Variants in SLC6A6 observed in about 807,000 individuals in gnomAD.
SLC6A6 encodes solute carrier family 6 member 6, also known as sodium- and chloride-dependent taurine transporter.
Under a neutral mutation model 68.8 loss-of-function variants are expected in SLC6A6, and 16 were observed. That is an observed-to-expected ratio of 0.23 (90% CI 0.16 to 0.35). SLC6A6 has a LOEUF of 0.35. SLC6A6 is among the 10% of genes least tolerant of loss of function. The probability of loss-of-function intolerance (pLI) is 1.00; values close to 1 mark genes in which losing one functional copy is unlikely to be tolerated. For missense variants in SLC6A6, 474 were observed against 802.8 expected, an observed-to-expected ratio of 0.59 and a Z score of 4.95; for synonymous variants, 312 against 315.4, an observed-to-expected ratio of 0.99 and a Z score of 0.12.
intron 14 of SLC6A6, among the ~76,000 whole-genome samples, chr3:14,484,201 A>G (rs976446143): frequency 6.6e-6 from 1 of 152,224 alleles, no homozygotes; most frequent in African/African-American, 2.4e-5. Flanking sequence ...GGGACACTCA[A>G]CCAACTGTGA....
At position 14,478,578 on chromosome 3, in the gene SLC6A6, G is replaced by T. The variant is rs1486412683; in HGVS notation, c.1450+10G>T. The T allele has an allele frequency of 6.6e-7, 1 of 1,525,730 alleles. No homozygotes were observed. Among genetic ancestry groups the T allele is most frequent in the South Asian group, 1.1e-5 (1 of 89,002 alleles). 94.5% of individuals were successfully genotyped at this position (1,525,730 alleles called of 1,614,324 possible). A position where few individuals can be genotyped will look rare whatever the true frequency, so the allele number is the denominator to read the frequency against. On this transcript the variant is annotated intron_variant, in intron 12 of 14. Coordinates refer to ENST00000622186, the MANE Select transcript of SLC6A6 (RefSeq NM_003043.6). The stretch of plus-strand genomic sequence containing the variant: ...ATTGCCTGGATATATGGTGAGTACA[G>T]ATTTTTTCATGTCCTTTCTCAAGGC...
At position 14,472,170 on chromosome 3, in the gene SLC6A6, C is replaced by G; in HGVS notation, c.1097-35C>G. On this transcript the variant is annotated intron_variant, in intron 9 of 14. Transcript: ENST00000622186. This position sits in a 1 kb window ranked among gnomAD's most constrained non-coding sequence, Gnocchi z 4.5. The stretch of plus-strand genomic sequence containing the variant: ...AGTGGCTTGGTGGCTGATGTCTCCT[C>G]CCCTGTGCCCCTCCCCGTTTTCTTT... The G allele has an allele frequency of 7.5e-7, 1 of 1,329,074 alleles. No homozygotes were observed. The highest frequency in any genetic ancestry group is 1.1e-6 in the Non-Finnish European group (1 of 920,562). The allele number at this position is 1,329,074 out of a possible 1,614,324, so 82.3% of individuals were successfully genotyped here.
chr3:14,471,742 T>A (rs534752040), intron 9 of SLC6A6, among the ~76,000 whole-genome samples: 2 of 152,334 alleles, frequency 1.3e-5, no homozygotes, highest in Non-Finnish European at 2.9e-5. Context: ...TTTCCACTCC[T>A]ATGGTGTTTT....
chr3:14,470,291 C>G lies in SLC6A6; in HGVS notation c.1097-1914C>G, dbSNP rs1559311131. 2.0e-5 allele frequency among the ~76,000 whole-genome samples: 3 copies of G among 152,218 alleles called. No individual in the cohort carries two copies. In the South Asian group the frequency reaches 6.2e-4, roughly 32 times the overall value. On this transcript the variant is annotated intron_variant, in intron 9 of 14. Transcript: ENST00000622186. ...GGTGATGTCTGAACAGCCGGCACAT[C>G]AAGGGTGATTATTTCTCTAATAAGC...
intron 2 of SLC6A6, among the ~76,000 whole-genome samples, chr3:14,421,520 C>T (rs147664186): frequency 3.9e-5 from 6 of 152,318 alleles, no homozygotes; most frequent in African/African-American, 1.2e-4. Flanking sequence ...TAACTGTGAA[C>T]GTTAGCTCAG....
At chr3:14,413,655 A>G (rs933449879) in intron 1 of SLC6A6, among the ~76,000 whole-genome samples, 1 of 150,992 alleles carries the variant, frequency 6.6e-6, no homozygotes, top group East Asian at 2.0e-4. Flanking sequence ...TCTGCTTTGT[A>G]TTTAACTTTG....
chr3:14,471,856 A>G (rs1023097539), intron 9 of SLC6A6, among the ~76,000 whole-genome samples: 2 of 152,138 alleles, frequency 1.3e-5, no homozygotes, highest in African/African-American at 2.4e-5. Context: ...TGTCCACTCA[A>G]TGGCTTTGCT....
intron 6 of SLC6A6, 86 bp from the exon 7 acceptor site, chr3:14,466,430 C>T: frequency 6.9e-7 from 1 of 1,449,928 alleles, no homozygotes; most frequent in Non-Finnish European, 9.4e-7. Context: ...CTGACCAGTG[C>T]TCCCCTCTGC....
Position 14,443,608 on chromosome 3 carries a change from C to T in SLC6A6, c.-11-16C>T. The stretch of plus-strand genomic sequence containing the variant: ...CCCTCATCAGCTGCAGGATGCTTCT[C>T]TTTTGTCCCCCATAGAAAGCAAGGA... On this transcript the variant is annotated splice_polypyrimidine_tract_variant and intron_variant, in intron 2 of 14. Transcript: ENST00000622186. 6.5e-7 allele frequency: 1 copy of T among 1,541,522 alleles called. No homozygotes were observed. Among genetic ancestry groups the T allele is most frequent in the Non-Finnish European group, 8.9e-7 (1 of 1,118,936 alleles).
At chr3:14,462,343 T>C (rs538764405) in intron 6 of SLC6A6, among the ~76,000 whole-genome samples, 39 of 152,310 alleles carry the variant, frequency 2.6e-4, no homozygotes, top group African/African-American at 8.7e-4. Context: ...GGAAAGAGAC[T>C]GAGCCACAGT....
rs116589310 is a variant in SLC6A6, at chr3:14,436,008, C to T, written c.-11-7616C>T. ...CCTCTGGAGGCTTTGGAGCTCGCCA[C>T]GCTTGAGTTAGCCTTTCCTTGGGAG... On this transcript the variant is annotated intron_variant, in intron 2 of 14. Transcript: ENST00000622186. Among the ~76,000 whole-genome samples, 828 of 152,302 alleles carry T rather than the reference C, an allele frequency of 5.4e-3. 7 individuals carry two copies. Among genetic ancestry groups the T allele is most frequent in the African/African-American group, 0.019 (785 of 41,558 alleles).
At position 14,485,006 on chromosome 3, in the gene SLC6A6, G is replaced by T; in HGVS notation, c.1862G>T (p.Ter621LeuextTer38). The change falls in exon 15 of 15, where the codon TGA becomes TTA. Residue 621 changes from the stop codon to leucine, a stop_lost. Transcript: ENST00000622186. Reference sequence around the variant, plus strand: ...CACATCATTGTGGAGACCATGATGTGAGCTCTCTCGGGTCGACGGGGCCGG... The same window carrying T: ...CACATCATTGTGGAGACCATGATGTTAGCTCTCTCGGGTCGACGGGGCCGG... ...PTHIIVETMM[*>L] The T allele has an allele frequency of 6.2e-7, 1 of 1,606,292 alleles. No individual in the cohort carries two copies.
chr3:14,444,522 T>A (rs1369985059), intron 3 of SLC6A6, among the ~76,000 whole-genome samples: 1 of 152,140 alleles, frequency 6.6e-6, no homozygotes, highest in East Asian at 1.9e-4. Context: ...GTTACGGGGT[T>A]GTGTTGAGGT....
chr3:14,403,075 AGAGTGTGTGTGTGT>A (rs1341331247), intron 1 of SLC6A6, among the ~76,000 whole-genome samples: 1 of 100,058 alleles, frequency 1.0e-5, no homozygotes, highest in African/African-American at 4.1e-5. Flanking sequence ...GGGCGGCAGG[AGAGTGTGTGTGTGT>A]GTGTGTGTGT....
At chr3:14,429,422 TAGTG>T (rs1241800534) in intron 2 of SLC6A6, among the ~76,000 whole-genome samples, 1 of 152,184 alleles carries the variant, frequency 6.6e-6, no homozygotes, top group Non-Finnish European at 1.5e-5. Context: ...ATCCTGGACT[TAGTG>T]AGGCTGGCAG....
At chr3:14,424,867 G>C (rs1699557082) in intron 2 of SLC6A6, among the ~76,000 whole-genome samples, 1 of 152,132 alleles carries the variant, frequency 6.6e-6, no homozygotes, top group Non-Finnish European at 1.5e-5. Context: ...TGGGAGGGAG[G>C]GGACGGGGAC....
chr3:14,411,954 G>T (rs1312501975), intron 1 of SLC6A6, among the ~76,000 whole-genome samples: 1 of 152,210 alleles, frequency 6.6e-6, no homozygotes, highest in Non-Finnish European at 1.5e-5. Flanking sequence ...CAAAGGCCCT[G>T]CATCAGGCAC....
At chr3:14,442,408 A>G (rs548300254) in intron 2 of SLC6A6, among the ~76,000 whole-genome samples, 1 of 152,262 alleles carries the variant, frequency 6.6e-6, no homozygotes, top group South Asian at 2.1e-4. Context: ...TGGTTTTCCC[A>G]GCTCATCCGT....
At chr3:14,459,775 C>A (rs545539147) in intron 6 of SLC6A6, among the ~76,000 whole-genome samples, 33 of 152,246 alleles carry the variant, frequency 2.2e-4, no homozygotes, top group Non-Finnish European at 4.9e-4. Context: ...CCTCTCTGAG[C>A]CTCAGTTTCC....
Sources: allele counts gnomAD v4.1 joint callset (sites outside exome capture counted in the v4.1 genomes callset), GRCh38; gene constraint gnomAD v4.1.1; non-coding constraint Gnocchi (gnomAD v3.1); transcripts MANE v1.5; gene names NCBI Gene and HGNC (gene_info 2026-07-23, HGNC 2026-07-21).